Variants in FMN2 observed in about 807,000 individuals in gnomAD.
FMN2 encodes formin 2.
A neutral mutation model predicts 142.3 loss-of-function variants in FMN2; 51 were observed. The ratio of observed to expected loss-of-function variants is 0.36; its 90% CI spans 0.29 to 0.45. The LOEUF (loss-of-function observed/expected upper bound fraction) is 0.45. Among genes scored for constraint, FMN2 ranks in the 20% least tolerant of loss-of-function variants. FMN2 has a pLI of 1.00. For synonymous variants in FMN2, 882 were observed against 869.8 expected (o/e 1.01, Z -0.25); for missense variants, 1,936 against 2,122.8 (o/e 0.91, Z 1.73).
intron 8 of FMN2, 64 bp from the exon 9 acceptor site, chr1:240,329,012 G>T: frequency 1.2e-5 from 16 of 1,356,798 alleles, no homozygotes; most frequent in Non-Finnish European, 1.7e-5. Flanking sequence ...AAGATAATTA[G>T]ATTATTATCT....
chr1:240,279,433 C>G (rs1420181400), intron 7 of FMN2, among the ~76,000 whole-genome samples: 1 of 152,048 alleles, frequency 6.6e-6, no homozygotes, highest in Non-Finnish European at 1.5e-5. Flanking sequence ...CTGATAATCT[C>G]CTTTGTGAAG....
chr1:240,406,753 G>C (rs1674215725), intron 15 of FMN2, among the ~76,000 whole-genome samples: 1 of 152,118 alleles, frequency 6.6e-6, no homozygotes, highest in African/African-American at 2.4e-5. Flanking sequence ...GGTAATATAA[G>C]CTCATGAAGG....
rs549130440 is a variant in FMN2 at position 240,114,239 on chromosome 1, T to C, written c.1616-8940T>C. Among the ~76,000 whole-genome samples the C allele has an allele frequency of 1.1e-4, 17 of 152,358 alleles. No homozygotes were observed. The South Asian group carries it at 3.5e-3, about 32-fold the overall frequency. On this transcript the variant is annotated intron_variant, in intron 1 of 17. Coordinates refer to ENST00000319653, the MANE Select transcript of FMN2 (RefSeq NM_020066.5). ...TGGACTTTTAAAGTATGCTACAATG[T>C]CATTCTTTATATTGAAAGCAAATAG...
chr1:240,175,528 C>T (rs1205136714), intron 2 of FMN2, among the ~76,000 whole-genome samples: 1 of 152,038 alleles, frequency 6.6e-6, no homozygotes, highest in Admixed American at 6.6e-5. Context: ...TAGGGCCTTG[C>T]TCTTTTGCTG....
intron 6 of FMN2, chr1:240,235,786 T>C (rs778980500): frequency 1.3e-5 from 2 of 152,136 alleles, no homozygotes; most frequent in African/African-American, 2.4e-5. Context: ...TTTCCTGTCT[T>C]CTGGTGAAGT....
At chr1:240,161,314 G>C (rs145208234) in intron 2 of FMN2, among the ~76,000 whole-genome samples, 4 of 152,030 alleles carry the variant, frequency 2.6e-5, no homozygotes, top group African/African-American at 9.6e-5. Context: ...GGCGGAATAC[G>C]AGGTCAGGAG....
chr1:240,109,951 C>T (rs536257862), intron 1 of FMN2, among the ~76,000 whole-genome samples: 5 of 152,246 alleles, frequency 3.3e-5, no homozygotes, highest in African/African-American at 7.2e-5. Context: ...TGGGATATGA[C>T]GGACTCCTAA....
intron 8 of FMN2, among the ~76,000 whole-genome samples, chr1:240,297,329 C>T (rs1372522830): frequency 6.6e-6 from 1 of 151,996 alleles, no homozygotes; most frequent in Non-Finnish European, 1.5e-5. Flanking sequence ...GGTGTGGTGG[C>T]TCATGCCTGT....
chr1:240,325,176 G>A (rs1179322328), intron 8 of FMN2, among the ~76,000 whole-genome samples: 1 of 151,852 alleles, frequency 6.6e-6, no homozygotes, highest in African/African-American at 2.4e-5. Flanking sequence ...TGGGCAACAT[G>A]GCAAAACCCC....
At chr1:240,175,255 C>A (rs1664870340) in intron 2 of FMN2, among the ~76,000 whole-genome samples, 1 of 152,150 alleles carries the variant, frequency 6.6e-6, no homozygotes, top group African/African-American at 2.4e-5. Context: ...GTTGCTTCCA[C>A]CTTTCGGCTG....
At chr1:240,431,423 T>TAC (rs1553378837) in intron 15 of FMN2, among the ~76,000 whole-genome samples, 46 of 130,948 alleles carry the variant, frequency 3.5e-4, no homozygotes, top group African/African-American at 1.3e-3. Flanking sequence ...TATATATATA[T>TAC]ACATATATAT....
chr1:240,396,323 T>C (rs1481692071), intron 15 of FMN2, among the ~76,000 whole-genome samples: 1 of 151,594 alleles, frequency 6.6e-6, no homozygotes, highest in Non-Finnish European at 1.5e-5. Flanking sequence ...TGTGTGTGTG[T>C]GTGTGTGTGT....
chr1:240,133,594 CTT>C (rs962862738), intron 2 of FMN2, among the ~76,000 whole-genome samples: 4 of 152,202 alleles, frequency 2.6e-5, no homozygotes, highest in African/African-American at 9.6e-5. Context: ...TTTCCAAACT[CTT>C]TTGCCACGCT....
At chr1:240,307,582 C>G (rs1399174396) in intron 8 of FMN2, among the ~76,000 whole-genome samples, 1 of 152,166 alleles carries the variant, frequency 6.6e-6, no homozygotes, top group Non-Finnish European at 1.5e-5. Context: ...TCAAGGATCT[C>G]TGTTCTGATC....
chr1:240,451,121 G>A (rs1322460774), intron 16 of FMN2, among the ~76,000 whole-genome samples: 1 of 151,986 alleles, frequency 6.6e-6, no homozygotes, highest in Non-Finnish European at 1.5e-5. Flanking sequence ...TAATCCTAGT[G>A]CTTTGGGAGG....
intron 8 of FMN2, among the ~76,000 whole-genome samples, chr1:240,322,858 C>G (rs1205820827): frequency 6.6e-6 from 1 of 152,096 alleles, no homozygotes; most frequent in Non-Finnish European, 1.5e-5. Flanking sequence ...TGCCATTTAT[C>G]CTTTGCAAGA....
At chr1:240,436,165 A>C (rs1675361837) in intron 15 of FMN2, among the ~76,000 whole-genome samples, 1 of 152,332 alleles carries the variant, frequency 6.6e-6, no homozygotes, top group Admixed American at 6.5e-5. Flanking sequence ...TCATTACCAT[A>C]GCCCGTGGCA....
chr1:240,432,708 TG>T (rs1490914917), intron 15 of FMN2, among the ~76,000 whole-genome samples: 1 of 152,094 alleles, frequency 6.6e-6, no homozygotes, highest in Admixed American at 6.5e-5. Flanking sequence ...TAGTTTGGAA[TG>T]TTTTTTCATT....
Position 240,347,318 on chromosome 1 carries a change from G to A in FMN2, c.4766-8498G>A, listed in dbSNP as rs116318109. On this transcript the variant is annotated intron_variant, in intron 13 of 17. Transcript: ENST00000319653. ...AACTACCTGAAAACTACAGCTGGAC[G>A]TTCCACTGACATCTGAAACCTAGTG... Among the ~76,000 whole-genome samples, 272 of 152,206 alleles carry A rather than the reference G, an allele frequency of 1.8e-3. 1 individual carries two copies. Among genetic ancestry groups the A allele is most frequent in the African/African-American group, 6.1e-3 (253 of 41,538 alleles).
Sources: allele counts gnomAD v4.1 joint callset (sites outside exome capture counted in the v4.1 genomes callset), GRCh38; gene constraint gnomAD v4.1.1; transcripts MANE v1.5; gene names NCBI Gene and HGNC (gene_info 2026-07-23, HGNC 2026-07-21).